Variants in HNRNPF observed in about 807,000 individuals in gnomAD.
HNRNPF encodes heterogeneous nuclear ribonucleoprotein F.
In HNRNPF, 2 loss-of-function variants were observed where a neutral mutation model predicts 26.0. The observed-to-expected ratio is 0.08, with a 90% confidence interval of 0.03 to 0.24. The LOEUF (loss-of-function observed/expected upper bound fraction) is 0.24. Among genes scored for constraint, HNRNPF ranks in the 10% least tolerant of loss-of-function variants. The pLI, the probability that HNRNPF is intolerant of heterozygous loss-of-function variation, is 1.00. For missense variants in HNRNPF, 299 were observed against 539.2 expected (o/e 0.55, Z 4.41); for synonymous variants, 234 against 211.5 (o/e 1.11, Z -0.92).
intron 3 of HNRNPF, among the ~76,000 whole-genome samples, chr10:43,388,995 AAG>A (rs1838141508): frequency 1.4e-5 from 2 of 145,474 alleles, no homozygotes; most frequent in African/African-American, 5.1e-5. Flanking sequence ...TTTTTGAGAC[AAG>A]AGTCTCACTG....
intron 1 of HNRNPF, among the ~76,000 whole-genome samples, chr10:43,398,036 G>GT (rs375494267): frequency 6.6e-6 from 1 of 151,856 alleles, no homozygotes; most frequent in Non-Finnish European, 1.5e-5. Flanking sequence ...TGTTTGGTTG[G>GT]TTTTTTTTGA....
intron 1 of HNRNPF, among the ~76,000 whole-genome samples, chr10:43,401,534 C>T (rs1033156509): frequency 6.6e-6 from 1 of 152,056 alleles, no homozygotes; most frequent in African/African-American, 2.4e-5. Flanking sequence ...GACTTCTGTT[C>T]CTAAAAATAA....
At chr10:43,401,401 G>A (rs535366061) in intron 1 of HNRNPF, among the ~76,000 whole-genome samples, 4 of 152,122 alleles carry the variant, frequency 2.6e-5, no homozygotes, top group Admixed American at 2.6e-4. Flanking sequence ...GACAAATTCT[G>A]ACCGATCATA....
In HNRNPF at chr10:43,387,084, A is replaced by G; in HGVS notation, c.801T>C (p.Cys267=). 1 of 1,613,204 alleles carries G rather than the reference A, an allele frequency of 6.2e-7. No individual in the cohort carries two copies. The highest frequency in any genetic ancestry group is 8.5e-7 in the Non-Finnish European group (1 of 1,180,012). ...TDLFGRDLSY[C]LSGMYDHRYG... ...ATCTGTGGTCATACATTCCGGAGAGACAGTAGCTGAGGTCTCTCCCGAACA... is the reference window on the plus strand; with the variant it reads ...ATCTGTGGTCATACATTCCGGAGAGGCAGTAGCTGAGGTCTCTCCCGAACA... The change falls in exon 4 of 4, where the codon TGT becomes TGC. Residue 267 remains cysteine, a synonymous_variant. Coordinates refer to ENST00000682386, the MANE Select transcript of HNRNPF (RefSeq NM_001098204.2). The surrounding 1 kb of genome is among the most constrained non-coding windows in gnomAD (Gnocchi z 6.0).
chr10:43,392,795 C>T (rs1024603168), intron 3 of HNRNPF, among the ~76,000 whole-genome samples: 2 of 152,168 alleles, frequency 1.3e-5, no homozygotes, highest in Non-Finnish European at 2.9e-5. Flanking sequence ...CCCAGGGTCT[C>T]CATAATCATC....
At chr10:43,391,364 A>T (rs1838238970) in intron 3 of HNRNPF, among the ~76,000 whole-genome samples, 1 of 151,958 alleles carries the variant, frequency 6.6e-6, no homozygotes, top group African/African-American at 2.4e-5. Context: ...AGGCTGAGGC[A>T]AGAGAATCAC....
chr10:43,407,072 ATAAC>A (rs1838943664), intron 1 of HNRNPF, among the ~76,000 whole-genome samples: 2 of 152,190 alleles, frequency 1.3e-5, no homozygotes, highest in South Asian at 2.1e-4. Flanking sequence ...TTTTAAAAAT[ATAAC>A]TAAGTAGAAA....
intron 3 of HNRNPF, among the ~76,000 whole-genome samples, chr10:43,390,110 A>T (rs536842054): frequency 1.2e-4 from 18 of 152,322 alleles, no homozygotes; most frequent in African/African-American, 4.3e-4. Flanking sequence ...CTGGCAGAGC[A>T]AGGTCACAGC....
In HNRNPF at chr10:43,387,501, A is replaced by C; in HGVS notation, c.384T>G (p.Val128=). ...LPFGCTKEEI[V]QFFSGLEIVP... is the part of the protein sequence containing the mutation. ...CAATTTCCAACCCTGAGAAGAACTG[A>C]ACAATTTCTTCCTTTGTGCATCCAA... Residue 128 remains valine, a synonymous_variant, in exon 4 of 4, where the codon GTT becomes GTG. Transcript: ENST00000682386. This position sits in a 1 kb window ranked among gnomAD's most constrained non-coding sequence, Gnocchi z 6.0. 1 of 1,614,184 alleles carries C rather than the reference A, an allele frequency of 6.2e-7. No individual in the cohort carries two copies. Among genetic ancestry groups the C allele is most frequent in the Non-Finnish European group, 8.5e-7 (1 of 1,180,028 alleles).
In HNRNPF at chr10:43,385,860, ATT is replaced by A. The variant is rs1413565248; in HGVS notation, c.*775_*776del. On this transcript the variant is annotated 3_prime_UTR_variant, in exon 4 of 4. Coordinates refer to ENST00000682386, the MANE Select transcript of HNRNPF (RefSeq NM_001098204.2). Reference sequence around the variant, plus strand: ...CATTTCCACCATTCACATATTTAACATTTTTATTAGACTTTTATTTAGCCTCA... The same window carrying A: ...CATTTCCACCATTCACATATTTAACATTTATTAGACTTTTATTTAGCCTCA... The A allele has an allele frequency of 6.6e-6, 1 of 152,584 alleles. No homozygotes were observed. Among genetic ancestry groups the A allele is most frequent in the African/African-American group, 2.4e-5 (1 of 41,434 alleles). 9.5% of individuals were successfully genotyped at this position (152,584 alleles called of 1,614,324 possible).
At chr10:43,407,562 CGCAGCAGGA>C (rs932300666) in intron 1 of HNRNPF, among the ~76,000 whole-genome samples, 33 of 152,012 alleles carry the variant, frequency 2.2e-4, no homozygotes, top group African/African-American at 7.5e-4. Flanking sequence ...GGGCAGCCGG[CGCAGCAGGA>C]GCCGGGCCCC....
rs17851426 is a variant in HNRNPF at position 43,387,625 on chromosome 10, T to C, written c.260A>G (p.Lys87Arg). ...CCAATCCATCTCGGTTCTGTGGGAC[T>C]TGAACACCTCAATGTACCGGTGTCC... is the stretch of plus-strand genomic sequence containing the variant. ...SMGHRYIEVFKSHRTEMDWVL... is the reference protein window; with the variant it reads ...SMGHRYIEVFRSHRTEMDWVL... The change falls in exon 4 of 4, where the codon AAG becomes AGG. Residue 87 changes from lysine (K) to arginine (R), a missense_variant. Physicochemically the swap from Lys to Arg is conservative, Grantham distance 26. Transcript: ENST00000682386. The surrounding 1 kb of genome is among the most constrained non-coding windows in gnomAD (Gnocchi z 6.0). The C allele has an allele frequency of 6.2e-7, 1 of 1,614,216 alleles. No individual in the cohort carries two copies. Among genetic ancestry groups the C allele is most frequent in the South Asian group, 1.1e-5 (1 of 91,086 alleles).
Position 43,386,675 on chromosome 10 carries a change from C to A in HNRNPF, c.1210G>T (p.Gly404Cys). The A allele has an allele frequency of 1.3e-6, 2 of 1,584,816 alleles. No homozygotes were observed. The highest frequency in any genetic ancestry group is 1.7e-6 in the Non-Finnish European group (2 of 1,171,468). Reference sequence around the variant, plus strand: ...CCCATGCTGTTCTGCCCACTGTAGCCGGCCCCGTAACAGCCACTCACTGAC... The same window carrying A: ...CCCATGCTGTTCTGCCCACTGTAGCAGGCCCCGTAACAGCCACTCACTGAC... ...SQSVSGCYGAGYSGQNSMGGY... is the reference protein window; with the variant it reads ...SQSVSGCYGACYSGQNSMGGY... The change falls in exon 4 of 4, where the codon GGC becomes TGC. Residue 404 changes from glycine (G) to cysteine (C), a missense_variant. By Grantham distance (159) the Gly-to-Cys change is radical. This residue lies in a region of HNRNPF where 53 missense variants were observed against 72.4 expected (regional missense o/e 0.73). Transcript: ENST00000682386.
intron 1 of HNRNPF, chr10:43,397,203 G>C (rs1165590982): frequency 6.6e-6 from 1 of 152,168 alleles, no homozygotes; most frequent in African/African-American, 2.4e-5. Context: ...GGACTGGCCC[G>C]TCGGCCCCGA....
At chr10:43,392,129 C>G (rs370272008) in intron 3 of HNRNPF, among the ~76,000 whole-genome samples, 1 of 152,064 alleles carries the variant, frequency 6.6e-6, no homozygotes, top group African/African-American at 2.4e-5. Flanking sequence ...CTAGGTTGAG[C>G]GCAGTGGCTC....
chr10:43,396,123 T>A (rs981021777), intron 2 of HNRNPF, among the ~76,000 whole-genome samples: 4 of 152,068 alleles, frequency 2.6e-5, no homozygotes, highest in African/African-American at 9.7e-5. Context: ...CTCTTCGCAG[T>A]GATACAGGTT....
rs761651144 is a variant in HNRNPF at position 43,386,902 on chromosome 10, G to A, written c.983C>T (p.Thr328Met). Residue 328 changes from threonine to methionine, a missense_variant, in exon 4 of 4, where the codon ACG (threonine) becomes ATG (methionine). Thr to Met is a moderately conservative substitution (Grantham distance 81). Coordinates refer to ENST00000682386, the MANE Select transcript of HNRNPF (RefSeq NM_001098204.2). ...HIEIGPDGRV[T>M]GEADVEFATH... Reference sequence around the variant, plus strand: ...AGCAAACTCAACATCTGCTTCACCCGTCACTCTTCCATCTGGGCCAATCTC... The same window carrying A: ...AGCAAACTCAACATCTGCTTCACCCATCACTCTTCCATCTGGGCCAATCTC... 1.9e-6 allele frequency: 3 copies of A among 1,614,118 alleles called. No homozygotes were observed. Among genetic ancestry groups the A allele is most frequent in the South Asian group, 2.2e-5 (2 of 91,064 alleles).
intron 1 of HNRNPF, among the ~76,000 whole-genome samples, chr10:43,397,756 C>T (rs1838604104): frequency 2.0e-5 from 3 of 152,142 alleles, no homozygotes; most frequent in South Asian, 2.1e-4. Flanking sequence ...AAAGCAATTT[C>T]GATAATATGA....
intron 1 of HNRNPF, among the ~76,000 whole-genome samples, chr10:43,408,213 C>T: frequency 6.6e-6 from 1 of 152,216 alleles, no homozygotes; most frequent in Admixed American, 6.5e-5. Flanking sequence ...ACTTTCAGAG[C>T]CCTCCGGCAG....
Sources: allele counts gnomAD v4.1 joint callset (sites outside exome capture counted in the v4.1 genomes callset), GRCh38; gene constraint gnomAD v4.1.1; regional missense constraint gnomAD v4.1.1; non-coding constraint Gnocchi (gnomAD v3.1); transcripts MANE v1.5; gene names NCBI Gene and HGNC (gene_info 2026-07-23, HGNC 2026-07-21).